SDK1: variants seen among roughly 807,000 people sequenced by gnomAD.
The protein encoded by SDK1 is sidekick cell adhesion molecule 1, also known as protein sidekick-1.
A neutral mutation model predicts 245.5 loss-of-function variants in SDK1; 157 were observed. The ratio of observed to expected loss-of-function variants is 0.64; its 90% confidence interval spans 0.56 to 0.73. SDK1 has a LOEUF of 0.73. SDK1 is among the 30% of genes least tolerant of loss of function. The probability of loss-of-function intolerance (pLI) is 0.00; values close to 1 mark genes in which losing one functional copy is unlikely to be tolerated. For missense variants in SDK1, 3,583 were observed against 3,002.3 expected (o/e 1.19, Z -4.52); for synonymous variants, 1,647 against 1,278.5 (o/e 1.29, Z -6.15).
At chr7:4,230,087 G>GGGCA (rs1785656858) in intron 40 of SDK1, among the ~76,000 whole-genome samples, 1 of 141,170 alleles carries the variant, frequency 7.1e-6, no homozygotes, top group South Asian at 2.4e-4. Flanking sequence ...AAGGAAGGGT[G>GGGCA]GGCAGGCAGA....
At chr7:3,586,963 A>G (rs1780710950) in intron 1 of SDK1, among the ~76,000 whole-genome samples, 1 of 152,108 alleles carries the variant, frequency 6.6e-6, no homozygotes, top group African/African-American at 2.4e-5. Flanking sequence ...CAGAGTGAGC[A>G]GGCATTGTGG....
rs1779591552 is a variant in SDK1 at position 3,556,499 on chromosome 7, G to A, written c.299-62581G>A. Among the ~76,000 whole-genome samples the A allele has an allele frequency of 2.0e-5, 3 of 152,192 alleles. No homozygotes were observed. The South Asian group carries it at 6.2e-4, about 32-fold the overall frequency. On this transcript the variant is annotated intron_variant, in intron 1 of 44. Coordinates refer to ENST00000404826, the MANE Select transcript of SDK1 (RefSeq NM_152744.4). ...CTAGTATTTCATAGTACAACAGGGT[G>A]ACTAAAGTCAATAATTTATTATACA...
chr7:3,823,118 C>T (rs1194845828), intron 5 of SDK1, among the ~76,000 whole-genome samples: 3 of 152,062 alleles, frequency 2.0e-5, no homozygotes, highest in African/African-American at 7.2e-5. Flanking sequence ...TTCACAAAAC[C>T]CAGTGCATGC....
intron 5 of SDK1, among the ~76,000 whole-genome samples, chr7:3,931,725 C>G (rs964595239): frequency 6.6e-6 from 1 of 152,080 alleles, no homozygotes. Flanking sequence ...TAGTTTTTTT[C>G]TCTTTCCCTC....
At position 3,713,857 on chromosome 7, in the gene SDK1, C is replaced by T. The variant is rs961950016; in HGVS notation, c.713+71752C>T. ...GTTGACAAGTCCTATATCAAGTAAT[C>T]ATAGTGATTAAAAACAAAACCGAGA... is the stretch of plus-strand genomic sequence containing the variant. On this transcript the variant is annotated intron_variant, in intron 4 of 44. Coordinates refer to ENST00000404826, the MANE Select transcript of SDK1 (RefSeq NM_152744.4). Among the ~76,000 whole-genome samples the T allele has an allele frequency of 2.0e-5, 3 of 152,178 alleles. No homozygotes were observed. In the South Asian group the frequency reaches 6.2e-4, roughly 31 times the overall value.
intron 16 of SDK1, among the ~76,000 whole-genome samples, chr7:4,016,762 C>T (rs1337549391): frequency 6.6e-6 from 1 of 152,150 alleles, no homozygotes; most frequent in Non-Finnish European, 1.5e-5. Context: ...ACCACAAGGC[C>T]GTGTGCTGCT....
chr7:3,343,357 C>T (rs985288057), intron 1 of SDK1, among the ~76,000 whole-genome samples: 2 of 152,162 alleles, frequency 1.3e-5, no homozygotes, highest in South Asian at 2.1e-4. Flanking sequence ...AGTATTGATG[C>T]ACCTACTGTG....
At chr7:4,261,457 T>A (rs1214197714) in intron 44 of SDK1, among the ~76,000 whole-genome samples, 1 of 152,128 alleles carries the variant, frequency 6.6e-6, no homozygotes, top group Non-Finnish European at 1.5e-5. Context: ...TTGGCAGTTT[T>A]CCTTCTAGAG....
At chr7:3,425,514 C>A (rs1437811800) in intron 1 of SDK1, among the ~76,000 whole-genome samples, 1 of 152,120 alleles carries the variant, frequency 6.6e-6, no homozygotes, top group East Asian at 1.9e-4. Context: ...CTGTTAGATA[C>A]TTTAGAATTC....
At chr7:3,495,348 C>G (rs1302009402) in intron 1 of SDK1, among the ~76,000 whole-genome samples, 1 of 149,782 alleles carries the variant, frequency 6.7e-6, no homozygotes, top group Non-Finnish European at 1.5e-5. Flanking sequence ...GCCTCTGCCT[C>G]TCAGGCTCAG....
intron 1 of SDK1, among the ~76,000 whole-genome samples, chr7:3,477,902 A>G (rs1290464610): frequency 6.6e-6 from 1 of 152,122 alleles, no homozygotes; most frequent in Non-Finnish European, 1.5e-5. Flanking sequence ...TGTTCGTTTC[A>G]CAGGTGTTTG....
At position 3,412,368 on chromosome 7, in the gene SDK1, C is replaced by T. The variant is rs1031302817; in HGVS notation, c.298+110484C>T. Among the ~76,000 whole-genome samples the T allele has an allele frequency of 3.9e-5, 6 of 152,250 alleles. No homozygotes were observed. In the East Asian group the frequency reaches 1.2e-3, roughly 29 times the overall value. ...ATCAAACTGTATATATTCTTCTGCA[C>T]CTTGCCTTTTTTCTCACTCAACATG... On this transcript the variant is annotated intron_variant, in intron 1 of 44. Coordinates refer to ENST00000404826, the MANE Select transcript of SDK1 (RefSeq NM_152744.4).
chr7:3,448,761 T>A (rs377473880), intron 1 of SDK1, among the ~76,000 whole-genome samples: 1 of 152,174 alleles, frequency 6.6e-6, no homozygotes, highest in Non-Finnish European at 1.5e-5. Context: ...TAAAAAAATA[T>A]TTAAATGGTT....
chr7:3,685,402 C>T (rs1468927514), intron 4 of SDK1, among the ~76,000 whole-genome samples: 1 of 152,042 alleles, frequency 6.6e-6, no homozygotes, highest in African/African-American at 2.4e-5. Flanking sequence ...CAAGATGTTC[C>T]TAAATGACAG....
intron 4 of SDK1, among the ~76,000 whole-genome samples, chr7:3,752,547 G>T (rs578138441): frequency 6.6e-6 from 1 of 152,154 alleles, no homozygotes; most frequent in Non-Finnish European, 1.5e-5. Context: ...AATCAAAAAC[G>T]TGCCAGCAGA....
intron 1 of SDK1, among the ~76,000 whole-genome samples, chr7:3,315,440 T>A (rs1779641056): frequency 6.6e-6 from 1 of 152,144 alleles, no homozygotes; most frequent in South Asian, 2.1e-4. Context: ...CTGTTCCTAG[T>A]CCTCTCCACA....
chr7:4,168,288 G>C (rs753813800), intron 32 of SDK1, among the ~76,000 whole-genome samples: 1 of 152,216 alleles, frequency 6.6e-6, no homozygotes, highest in Non-Finnish European at 1.5e-5. Flanking sequence ...GTGATTTCTG[G>C]TGCAAACAGC....
intron 1 of SDK1, among the ~76,000 whole-genome samples, chr7:3,500,176 A>G (rs993205931): frequency 1.3e-5 from 2 of 152,100 alleles, no homozygotes; most frequent in Non-Finnish European, 1.5e-5. Flanking sequence ...TATTCTCTCT[A>G]TATCTGTTGT....
At chr7:3,734,561 T>A (rs1779267935) in intron 4 of SDK1, among the ~76,000 whole-genome samples, 1 of 152,260 alleles carries the variant, frequency 6.6e-6, no homozygotes, top group Non-Finnish European at 1.5e-5. Context: ...CATTACAAGT[T>A]CAAGATACTA....
Sources: allele counts gnomAD v4.1 joint callset (sites outside exome capture counted in the v4.1 genomes callset), GRCh38; gene constraint gnomAD v4.1.1; transcripts MANE v1.5; gene names NCBI Gene and HGNC (gene_info 2026-07-23, HGNC 2026-07-21).